Variants in CTSB observed in about 807,000 individuals in gnomAD.
CTSB encodes the protein APP secretase.
Under a neutral mutation model 44.3 loss-of-function variants are expected in CTSB, and 57 were observed. That is an observed-to-expected ratio of 1.29 (90% CI 1.04 to 1.60). The LOEUF (loss-of-function observed/expected upper bound fraction) is 1.60, where lower values mean the gene tolerates loss of function less well. Among genes scored for constraint, CTSB ranks in the 40% most tolerant of loss-of-function variants. The probability of loss-of-function intolerance (pLI) is 0.00; values close to 1 mark genes in which losing one functional copy is unlikely to be tolerated. For synonymous variants in CTSB, 320 were observed against 168.0 expected, an observed-to-expected ratio of 1.91 and a Z score of -7.00; for missense variants, 768 against 443.0, an observed-to-expected ratio of 1.73 and a Z score of -6.59.
At chr8:11,847,950 G>C in intron 6 of CTSB, 117 bp downstream of exon 6, 5 of 1,317,568 alleles carry the variant, frequency 3.8e-6, no homozygotes, top group South Asian at 1.4e-5. Flanking sequence ...CACCTGGCTA[G>C]CACCTCTCAG....
rs532968930 is a variant in CTSB at position 11,853,525 on chromosome 8, C to G, written c.-25-46G>C. 40 of 1,550,742 alleles carry G rather than the reference C, an allele frequency of 2.6e-5. No individual in the cohort carries two copies. The South Asian group carries it at 2.6e-4, about 10-fold the overall frequency. Reference sequence around the variant, plus strand: ...CAGGACACCTCTCTGTTATGTGGGTCGAGGGCTCACACACACAGGGGCACC... The same window carrying G: ...CAGGACACCTCTCTGTTATGTGGGTGGAGGGCTCACACACACAGGGGCACC... On this transcript the variant is annotated intron_variant, in intron 1 of 9. Transcript: ENST00000353047.
Position 11,842,770 on chromosome 8 carries a change from G to A in CTSB, c.*2355C>T, listed in dbSNP as rs1812481240. The A allele has an allele frequency of 1.3e-5, 2 of 151,630 alleles. No homozygotes were observed. Among genetic ancestry groups the A allele is most frequent in the Admixed American group, 6.6e-5 (1 of 15,194 alleles). The allele number at this position is 151,630 out of a possible 1,614,324, so 9.4% of individuals were successfully genotyped here. A position where few individuals can be genotyped will look rare whatever the true frequency, so the allele number is the denominator to read the frequency against. Reference sequence around the variant, plus strand: ...TCGTACCTCAGCCTCCCGAGTAGCTGGGATTACAGGCATGTGCCAGCATGC... The same window carrying A: ...TCGTACCTCAGCCTCCCGAGTAGCTAGGATTACAGGCATGTGCCAGCATGC... On this transcript the variant is annotated 3_prime_UTR_variant, in exon 10 of 10. Coordinates refer to ENST00000353047, the MANE Select transcript of CTSB (RefSeq NM_001908.5).
At position 11,844,012 on chromosome 8, in the gene CTSB, G is replaced by C. The variant is rs1012342020; in HGVS notation, c.*1113C>G. The C allele has an allele frequency of 1.3e-5, 2 of 150,746 alleles. No homozygotes were observed. Among genetic ancestry groups the C allele is most frequent in the African/African-American group, 5.0e-5 (2 of 40,054 alleles). 9.3% of individuals were successfully genotyped at this position (150,746 alleles called of 1,614,324 possible). A position where few individuals can be genotyped will look rare whatever the true frequency, so the allele number is the denominator to read the frequency against. On this transcript the variant is annotated 3_prime_UTR_variant, in exon 10 of 10. Coordinates refer to ENST00000353047, the MANE Select transcript of CTSB (RefSeq NM_001908.5). ...GGCGCCACTGCACTCCAGCCTGGGAGACGGAATCTCACTCTGTCAGTCACA... is the reference window on the plus strand; with the variant it reads ...GGCGCCACTGCACTCCAGCCTGGGACACGGAATCTCACTCTGTCAGTCACA...
At chr8:11,848,789 A>G (rs1813954603) in intron 5 of CTSB, 1 of 395,154 alleles carries the variant, frequency 2.5e-6, no homozygotes, top group Non-Finnish European at 4.8e-6. Flanking sequence ...GGGGCCAGAC[A>G]TTCCACCACA....
chr8:11,864,311 T>C (rs1293384556), intron 1 of CTSB: 4 of 58,488 alleles, frequency 6.8e-5, no homozygotes, highest in Admixed American at 5.7e-4. Context: ...ACCCTGTCTC[T>C]ACCAACGAAA....
At chr8:11,845,930 G>C (rs769149619) in intron 8 of CTSB, 141 bp from the exon 9 acceptor site, 171 of 957,488 alleles carry the variant, frequency 1.8e-4, no homozygotes, top group African/African-American at 2.4e-4. Context: ...GAGGCTCCAG[G>C]GGGGGTCCCA....
intron 1 of CTSB, chr8:11,867,764 G>C (rs1817382225): frequency 6.6e-6 from 1 of 152,280 alleles, no homozygotes; most frequent in African/African-American, 2.4e-5. Flanking sequence ...CAGAGGGCTG[G>C]CGGGCGGAGC....
chr8:11,856,579 A>C (rs1426429271), intron 1 of CTSB, among the ~76,000 whole-genome samples: 3 of 152,188 alleles, frequency 2.0e-5, no homozygotes, highest in African/African-American at 7.2e-5. Context: ...ACAGATTGAG[A>C]CTTCATCTAA....
intron 1 of CTSB, chr8:11,862,594 G>C (rs781556082): frequency 6.6e-6 from 1 of 152,264 alleles, no homozygotes; most frequent in Non-Finnish European, 1.5e-5. Flanking sequence ...CAGGAAGGCT[G>C]AGTGGGTTGG....
At chr8:11,867,234 C>G (rs974536874) in intron 1 of CTSB, 4 of 152,306 alleles carry the variant, frequency 2.6e-5, no homozygotes, top group African/African-American at 9.7e-5. Context: ...CAACTCCCCC[C>G]GGCCTCCAGG....
chr8:11,867,085 G>C (rs745362017), intron 1 of CTSB, among the ~76,000 whole-genome samples: 6 of 152,138 alleles, frequency 3.9e-5, no homozygotes, highest in Non-Finnish European at 7.4e-5. Flanking sequence ...TTCTTTGCCA[G>C]CCTGCTGGCT....
intron 3 of CTSB, among the ~76,000 whole-genome samples, chr8:11,851,520 G>A (rs1256294274): frequency 6.6e-6 from 1 of 151,824 alleles, no homozygotes; most frequent in Non-Finnish European, 1.5e-5. Context: ...TTCTTTCTAG[G>A]CTTATGTAAT....
intron 1 of CTSB, 92 bp from the exon 2 acceptor site, chr8:11,853,571 C>T (rs148523722): frequency 1.6e-6 from 2 of 1,286,530 alleles, no homozygotes; most frequent in African/African-American, 1.5e-5. Context: ...TCAGTGGGGA[C>T]CCCCATGCTC....
At chr8:11,856,276 A>C (rs1038848193) in intron 1 of CTSB, among the ~76,000 whole-genome samples, 2 of 152,192 alleles carry the variant, frequency 1.3e-5, no homozygotes, top group Non-Finnish European at 1.5e-5. Flanking sequence ...CAAGTATCCA[A>C]TAACAGAGTA....
In CTSB at chr8:11,847,821, C is replaced by A; in HGVS notation, c.534G>T (p.Gly178=). The A allele has an allele frequency of 1.9e-6, 3 of 1,590,864 alleles. No individual in the cohort carries two copies. Among genetic ancestry groups the A allele is most frequent in the Non-Finnish European group, 2.6e-6 (3 of 1,173,488 alleles). ...VSGGLYESHV[G]CRPYSIPPCE... is the part of the protein sequence containing the mutation. ...AGGGAGGGATGGAGTACGGTCTGCA[C>A]CCTGATGGGACGCGGGAGAAAGCGG... is the stretch of plus-strand genomic sequence containing the variant. The change falls in exon 7 of 10, where the codon GGG becomes GGT. Residue 178 remains glycine (G), a splice_region_variant and synonymous_variant. Transcript: ENST00000353047.
chr8:11,852,274 G>C (rs1814730075), intron 3 of CTSB, among the ~76,000 whole-genome samples: 1 of 152,126 alleles, frequency 6.6e-6, no homozygotes, highest in Non-Finnish European at 1.5e-5. Context: ...AGGAGGCTGT[G>C]GCATGAGAAT....
chr8:11,846,353 G>C (rs547830466), intron 8 of CTSB: 2 of 152,418 alleles, frequency 1.3e-5, no homozygotes, highest in East Asian at 1.9e-4. Context: ...CGAGGACTAT[G>C]CTAAGAAGTG....
At position 11,843,533 on chromosome 8, in the gene CTSB, A is replaced by G. The variant is rs1370920733; in HGVS notation, c.*1592T>C. 3 of 152,262 alleles carry G rather than the reference A, an allele frequency of 2.0e-5. No homozygotes were observed. The highest frequency in any genetic ancestry group is 6.5e-5 in the Admixed American group (1 of 15,282). 9.4% of individuals were successfully genotyped at this position (152,262 alleles called of 1,614,324 possible). On this transcript the variant is annotated 3_prime_UTR_variant, in exon 10 of 10. Coordinates refer to ENST00000353047, the MANE Select transcript of CTSB (RefSeq NM_001908.5). ...CTAAACCAGGGCTATGCAAAGCACT[A>G]GAGTTCCTGACCAGCAATGCAAACC...
In CTSB at chr8:11,852,054, G is replaced by A. The variant is rs532929287; in HGVS notation, c.212+556C>T. Among the ~76,000 whole-genome samples the A allele has an allele frequency of 7.5e-4, 114 of 152,288 alleles. 2 individuals are homozygous for A. Among genetic ancestry groups the A allele is most frequent in the South Asian group, 1.7e-3 (8 of 4,828 alleles). On this transcript the variant is annotated intron_variant, in intron 3 of 9. Coordinates refer to ENST00000353047, the MANE Select transcript of CTSB (RefSeq NM_001908.5). ...GACCCAGACCTTGTCTGTCACATCT[G>A]CGGCTGAGACACCTTGGAGAAGCAC...
Sources: allele counts gnomAD v4.1 joint callset (sites outside exome capture counted in the v4.1 genomes callset), GRCh38; gene constraint gnomAD v4.1.1; transcripts MANE v1.5; gene names NCBI Gene and HGNC (gene_info 2026-07-23, HGNC 2026-07-21).